Variants in SLC16A3 observed in about 807,000 individuals in gnomAD.
SLC16A3 encodes solute carrier family 16 member 3, also known as monocarboxylate transporter 4.
A neutral mutation model predicts 25.0 loss-of-function variants in SLC16A3; 22 were observed. The observed-to-expected ratio is 0.88, with a 90% CI of 0.63 to 1.26. SLC16A3 has a LOEUF of 1.26. Among genes scored for constraint, SLC16A3 ranks in the 50% most tolerant of loss-of-function variants. SLC16A3 has a pLI of 0.00. For synonymous variants in SLC16A3, 390 were observed against 309.2 expected (o/e 1.26, Z -2.74); for missense variants, 731 against 666.6 (o/e 1.10, Z -1.06).
At chr17:82,227,996 G>C (rs1009144693), upstream of SLC16A3, among the ~76,000 whole-genome samples, 8 of 152,334 alleles carry the variant, frequency 5.3e-5, no homozygotes, top group Non-Finnish European at 1.0e-4. Context: ...TTGCCCTCTG[G>C]AGGGGTCCTC....
At chr17:82,224,130 G>A (rs1278807012), upstream of SLC16A3, among the ~76,000 whole-genome samples, 2 of 102,644 alleles carry the variant, frequency 1.9e-5, no homozygotes, top group Non-Finnish European at 3.9e-5. Context: ...CCCTACACCC[G>A]TGCACAGACA....
Position 82,237,889 on chromosome 17 carries a change from G to C in SLC16A3, c.1119G>C (p.Ser373=). 1 of 1,598,184 alleles carries C rather than the reference G, an allele frequency of 6.3e-7. No individual in the cohort carries two copies. The highest frequency in any genetic ancestry group is 2.2e-5 in the East Asian group (1 of 44,864). The change falls in exon 4 of 5, where the codon TCG becomes TCC. Residue 373 remains serine (S), a synonymous_variant. Coordinates refer to ENST00000582743, the MANE Select transcript of SLC16A3 (RefSeq NM_004207.4). ...TGGCCGTGCTCGTCGGGCCCCCTTC[G>C]GGAGGTGAGCGCTGCGCCCCCAGGC... ...EAVAVLVGPP[S]GGKLLDATHV...
chr17:82,237,357 T>C lies in SLC16A3; in HGVS notation c.587T>C (p.Leu196Pro). 3 of 1,538,082 alleles carry C rather than the reference T, an allele frequency of 2.0e-6. No homozygotes were observed. The highest frequency in any genetic ancestry group is 2.6e-6 in the Non-Finnish European group (3 of 1,139,364). Residue 196 changes from leucine (L) to proline (P), a missense_variant, in exon 4 of 5, where the codon CTC becomes CCC. By Grantham distance (98) the Leu-to-Pro change is moderately conservative. Coordinates refer to ENST00000582743, the MANE Select transcript of SLC16A3 (RefSeq NM_004207.4). ...LLLNCCVCAA[L>P]MRPLVVTAQP... ...CTCAACTGCTGCGTGTGTGCCGCACTCATGAGGCCCCTGGTGGTCACGGCC... is the reference window on the plus strand; with the variant it reads ...CTCAACTGCTGCGTGTGTGCCGCACCCATGAGGCCCCTGGTGGTCACGGCC...
Position 82,239,106 on chromosome 17 carries a change from C to T in SLC16A3, c.*130C>T, listed in dbSNP as rs1243414609. On this transcript the variant is annotated 3_prime_UTR_variant, in exon 5 of 5. Coordinates refer to ENST00000582743, the MANE Select transcript of SLC16A3 (RefSeq NM_004207.4). ...TCCAGCTGCCGGCCCAGCGGATCGTCGCCCGATCAGTGTTTTGAGGGGGAA... is the reference window on the plus strand; with the variant it reads ...TCCAGCTGCCGGCCCAGCGGATCGTTGCCCGATCAGTGTTTTGAGGGGGAA... 9 of 878,990 alleles carry T rather than the reference C, an allele frequency of 1.0e-5. No individual in the cohort carries two copies. Among genetic ancestry groups the T allele is most frequent in the East Asian group, 2.8e-5 (1 of 36,176 alleles). 54.4% of individuals were successfully genotyped at this position (878,990 alleles called of 1,614,324 possible).
At chr17:82,223,961 AACACCTGTGCACAGACACCCCT>A (rs2050404091), upstream of SLC16A3, among the ~76,000 whole-genome samples, 1 of 151,362 alleles carries the variant, frequency 6.6e-6, no homozygotes, top group South Asian at 2.1e-4. Context: ...CCTACACCCC[AACACCTGTGCACAGACACCCCT>A]ACACCTGTGC....
Position 82,239,873 on chromosome 17 carries a change from C to G in SLC16A3, c.*897C>G. ...TTTGCACCCTGTCCTCCATCCAGCC[C>G]GGCCCAGCGCTTGGGCTTGTCCTGG... On this transcript the variant is annotated 3_prime_UTR_variant, in exon 5 of 5. Transcript: ENST00000582743. 1.6e-6 allele frequency: 1 copy of G among 628,718 alleles called. No homozygotes were observed. The allele number at this position is 628,718 out of a possible 1,614,324, so 38.9% of individuals were successfully genotyped here.
chr17:82,218,748 C>T (rs541534582), intron 1 of SLC16A3, among the ~76,000 whole-genome samples: 2 of 152,292 alleles, frequency 1.3e-5, no homozygotes, highest in South Asian at 2.1e-4. Context: ...AGGTACCCTC[C>T]GGCTGTGCGT....
In SLC16A3 at chr17:82,239,864, C is replaced by G; in HGVS notation, c.*888C>G. On this transcript the variant is annotated 3_prime_UTR_variant, in exon 5 of 5. Transcript: ENST00000582743. ...GGGCTGGTCTTTGCACCCTGTCCTC[C>G]ATCCAGCCCGGCCCAGCGCTTGGGC... The G allele has an allele frequency of 5.3e-6, 3 of 565,890 alleles. No individual in the cohort carries two copies. The highest frequency in any genetic ancestry group is 1.9e-5 in the African/African-American group (1 of 51,738). 35.1% of individuals were successfully genotyped at this position (565,890 alleles called of 1,614,324 possible).
chr17:82,238,850 G>C lies in SLC16A3; in HGVS notation c.1272G>C (p.Ala424=), dbSNP rs148889387. 6.2e-7 allele frequency: 1 copy of C among 1,612,398 alleles called. No individual in the cohort carries two copies. The highest frequency in any genetic ancestry group is 1.7e-5 in the Admixed American group (1 of 59,970). Residue 424 remains alanine, a synonymous_variant, in exon 5 of 5, where the codon GCG becomes GCC. Transcript: ENST00000582743. ...PKEPQPEVAA[A]EEEKLHKPPA... is the part of the protein sequence containing the mutation. Reference sequence around the variant, plus strand: ...AGCCACAGCCTGAGGTGGCGGCCGCGGAGGAGGAGAAGCTCCACAAGCCTC... The same window carrying C: ...AGCCACAGCCTGAGGTGGCGGCCGCCGAGGAGGAGAAGCTCCACAAGCCTC...
upstream of SLC16A3, among the ~76,000 whole-genome samples, chr17:82,225,615 T>C (rs1357636216): frequency 4.6e-5 from 7 of 152,170 alleles, no homozygotes; most frequent in Non-Finnish European, 7.4e-5. Context: ...TCGGCCGGAA[T>C]GTCCTTCCCC....
intron 1 of SLC16A3, chr17:82,234,511 T>G (rs938728576): frequency 1.3e-5 from 2 of 152,114 alleles, no homozygotes; most frequent in Non-Finnish European, 2.9e-5. Flanking sequence ...GGCTCCTGGG[T>G]CCCCTCGTCA....
At chr17:82,224,799 C>T (rs868564954), upstream of SLC16A3, among the ~76,000 whole-genome samples, 3 of 148,386 alleles carry the variant, frequency 2.0e-5, no homozygotes, top group Middle Eastern at 3.4e-3. Context: ...CCCTCACGCC[C>T]GTGTACACCC....
chr17:82,224,752 A>G (rs1468619253), upstream of SLC16A3, among the ~76,000 whole-genome samples: 1 of 151,128 alleles, frequency 6.6e-6, no homozygotes, highest in Non-Finnish European at 1.5e-5. Flanking sequence ...CCCAACATCC[A>G]TGCACAGACG....
chr17:82,237,496 C>G lies in SLC16A3; in HGVS notation c.726C>G (p.Leu242=), dbSNP rs749432650. Reference sequence around the variant, plus strand: ...CCGCCTCGGTCATGGTGCTGGGGCTCTTCGTCCCGCCCGTGTTCGTGGTGA... The same window carrying G: ...CCGCCTCGGTCATGGTGCTGGGGCTGTTCGTCCCGCCCGTGTTCGTGGTGA... ...AVAASVMVLG[L]FVPPVFVVSY... is the part of the protein sequence containing the mutation. Residue 242 remains leucine (L), a synonymous_variant, in exon 4 of 5, where the codon CTC becomes CTG. Transcript: ENST00000582743. 2.5e-6 allele frequency: 4 copies of G among 1,610,874 alleles called. No homozygotes were observed. Among genetic ancestry groups the G allele is most frequent in the African/African-American group, 2.7e-5 (2 of 74,918 alleles).
chr17:82,239,855 C>G lies in SLC16A3; in HGVS notation c.*879C>G. 1.9e-6 allele frequency: 1 copy of G among 521,470 alleles called. No individual in the cohort carries two copies. The highest frequency in any genetic ancestry group is 2.9e-6 in the Non-Finnish European group (1 of 339,380). 32.3% of individuals were successfully genotyped at this position (521,470 alleles called of 1,614,324 possible). On this transcript the variant is annotated 3_prime_UTR_variant, in exon 5 of 5. Transcript: ENST00000582743. The stretch of plus-strand genomic sequence containing the variant: ...CAGTGCCCAGGGCTGGTCTTTGCAC[C>G]CTGTCCTCCATCCAGCCCGGCCCAG...
chr17:82,237,465 C>A lies in SLC16A3; in HGVS notation c.695C>A (p.Ala232Asp), dbSNP rs2147132457. 6.2e-7 allele frequency: 1 copy of A among 1,607,132 alleles called. No individual in the cohort carries two copies. Among genetic ancestry groups the A allele is most frequent in the East Asian group, 2.2e-5 (1 of 44,780 alleles). Residue 232 changes from alanine (A) to aspartate (D), a missense_variant, in exon 4 of 5, where the codon GCC becomes GAC. By Grantham distance (126) the Ala-to-Asp change is moderately radical. Coordinates refer to ENST00000582743, the MANE Select transcript of SLC16A3 (RefSeq NM_004207.4). The part of the protein sequence containing the change: ...VFRDRGFVLY[A>D]VAASVMVLGL... ...CGGGACCGCGGCTTTGTGCTTTACG[C>A]CGTGGCCGCCTCGGTCATGGTGCTG...
Position 82,236,763 on chromosome 17 carries a change from C to T in SLC16A3, c.258C>T (p.Gly86=), listed in dbSNP as rs1354495102. 35 of 1,608,584 alleles carry T rather than the reference C, an allele frequency of 2.2e-5. No individual in the cohort carries two copies. The highest frequency in any genetic ancestry group is 2.5e-5 in the Non-Finnish European group (30 of 1,179,832). ...PLCSVCVNRF[G]CRPVMLVGGL... ...GCAGTGTGTGCGTGAACCGCTTTGG[C>T]TGCCGGCCCGTCATGCTTGTGGGGG... Residue 86 remains glycine, a synonymous_variant, in exon 3 of 5, where the codon GGC becomes GGT. Coordinates refer to ENST00000582743, the MANE Select transcript of SLC16A3 (RefSeq NM_004207.4).
chr17:82,229,229 G>A (rs2050455117), intron 1 of SLC16A3, 123 bp downstream of exon 1: 2 of 152,042 alleles, frequency 1.3e-5, no homozygotes, highest in Admixed American at 1.3e-4. Flanking sequence ...CATCAGGTCC[G>A]GGGGCGCCCG....
chr17:82,219,789 T>C (rs1435639516), intron 1 of SLC16A3, among the ~76,000 whole-genome samples: 1 of 152,132 alleles, frequency 6.6e-6, no homozygotes, highest in Non-Finnish European at 1.5e-5. Context: ...TGGGCTGCGC[T>C]GTTCCCACCC....
Sources: allele counts gnomAD v4.1 joint callset (sites outside exome capture counted in the v4.1 genomes callset), GRCh38; gene constraint gnomAD v4.1.1; transcripts MANE v1.5; gene names NCBI Gene and HGNC (gene_info 2026-07-23, HGNC 2026-07-21).